The following HDGFL3 variants were observed in gnomAD, a reference collection of about 807,000 sequenced individuals.
The protein encoded by HDGFL3 is hepatoma-derived growth factor-related protein 3.
HDGFL3 carries 6 observed loss-of-function variants against 27.6 expected under a neutral mutation model. That is an observed-to-expected ratio of 0.22 (90% CI 0.12 to 0.43). The LOEUF (loss-of-function observed/expected upper bound fraction) is 0.43, where lower values mean the gene tolerates loss of function less well. HDGFL3 is among the 20% of genes least tolerant of loss of function. The pLI is 1.00. For missense variants in HDGFL3, 207 were observed against 250.1 expected, an observed-to-expected ratio of 0.83 and a Z score of 1.16; for synonymous variants, 88 against 88.9, an observed-to-expected ratio of 0.99 and a Z score of 0.05.
chr15:83,186,677 C>G (rs1168649407), intron 1 of HDGFL3, among the ~76,000 whole-genome samples: 4 of 151,838 alleles, frequency 2.6e-5, no homozygotes, highest in African/African-American at 7.3e-5. Context: ...GAGAGCTAAA[C>G]TATGAGTACG....
exon 4 of HDGFL3, chr15:83,112,864 G>T (rs145491081): frequency 6.2e-7 from 1 of 1,614,072 alleles, no homozygotes; most frequent in East Asian, 2.2e-5. Flanking sequence ...TCGTGTCCTC[G>T]TCAAAAGAAA....
chr15:83,123,499 C>G (rs1274554891), downstream of HDGFL3, among the ~76,000 whole-genome samples: 1 of 152,154 alleles, frequency 6.6e-6, no homozygotes, highest in African/African-American at 2.4e-5. Context: ...GATCATTTAG[C>G]AAGATCTTTT....
At chr15:83,197,162 C>T (rs1334338550) in intron 1 of HDGFL3, among the ~76,000 whole-genome samples, 1 of 152,228 alleles carries the variant, frequency 6.6e-6, no homozygotes, top group East Asian at 1.9e-4. Flanking sequence ...CTTCCCCTGA[C>T]ATCACACATA....
rs1163452027 is a variant in HDGFL3 at position 83,157,417 on chromosome 15, T to C, written c.457A>G (p.Lys153Glu). ...GSKRKKSYTS[K>E]KSSKQSRKSP... ...ACAATGAGAAGTTTCTTAGTAACCT[T>C]TGAAGTATATGACTTTTTCCGTTTT... Residue 153 changes from lysine to glutamate, a missense_variant and splice_region_variant, in exon 4 of 6, where the codon AAG becomes GAG. Physicochemically the swap from Lys to Glu is moderately conservative, Grantham distance 56. Coordinates refer to ENST00000299633, the MANE Select transcript of HDGFL3 (RefSeq NM_016073.4). 6.2e-7 allele frequency: 1 copy of C among 1,612,228 alleles called. No homozygotes were observed. Among genetic ancestry groups the C allele is most frequent in the Non-Finnish European group, 8.5e-7 (1 of 1,178,670 alleles).
chr15:83,173,755 T>C (rs932405918), intron 1 of HDGFL3, among the ~76,000 whole-genome samples: 5 of 152,296 alleles, frequency 3.3e-5, no homozygotes, highest in Middle Eastern at 3.4e-3. Context: ...AGGGATGAAA[T>C]TACAAACATC....
Position 83,166,442 on chromosome 15 carries a change from T to C in HDGFL3, c.85-2367A>G, listed in dbSNP as rs7176036. ...GAATTCGTTACTACTAGACCAGCCTTAGAAGAGATCCTTAAGGAAGTTCTA... is the reference window on the plus strand; with the variant it reads ...GAATTCGTTACTACTAGACCAGCCTCAGAAGAGATCCTTAAGGAAGTTCTA... On this transcript the variant is annotated intron_variant, in intron 1 of 5. Transcript: ENST00000299633. 6.9e-3 allele frequency among the ~76,000 whole-genome samples: 1,046 copies of C among 152,314 alleles called. 13 individuals carry two copies. Among genetic ancestry groups the C allele is most frequent in the African/African-American group, 0.023 (968 of 41,554 alleles).
intron 4 of HDGFL3, among the ~76,000 whole-genome samples, chr15:83,153,270 G>A (rs959332806): frequency 2.8e-4 from 43 of 151,860 alleles, no homozygotes; most frequent in African/African-American, 6.8e-4. Flanking sequence ...TGCCCGCCTC[G>A]GCCTCCCAAA....
exon 4 of HDGFL3, chr15:83,113,099 T>G (rs1436287172): frequency 5.1e-6 from 3 of 591,608 alleles, no homozygotes; most frequent in Non-Finnish European, 9.0e-6. Context: ...CTCTCCCAGG[T>G]GGCATCCCGG....
chr15:83,161,685 C>G (rs1274951678), intron 2 of HDGFL3, among the ~76,000 whole-genome samples: 1 of 152,130 alleles, frequency 6.6e-6, no homozygotes, highest in African/African-American at 2.4e-5. Context: ...TTAGCTACTG[C>G]CGGCAAGAGG....
chr15:83,135,145 G>A lies in HDGFL3; in HGVS notation c.*4125C>T, dbSNP rs760866010. ...TCCAGAGTAGCAAAAATGTACCACA[G>A]GTCTCCAGAATATATCAGGAATTTG... On this transcript the variant is annotated 3_prime_UTR_variant, in exon 6 of 6. Coordinates refer to ENST00000299633, the MANE Select transcript of HDGFL3 (RefSeq NM_016073.4). 4 of 151,628 alleles carry A rather than the reference G, an allele frequency of 2.6e-5. No individual in the cohort carries two copies. Among genetic ancestry groups the A allele is most frequent in the Non-Finnish European group, 4.4e-5 (3 of 67,858 alleles). The allele number at this position is 151,628 out of a possible 1,614,324, so 9.4% of individuals were successfully genotyped here. A position where few individuals can be genotyped will look rare whatever the true frequency, so the allele number is the denominator to read the frequency against.
intron 1 of HDGFL3, among the ~76,000 whole-genome samples, chr15:83,205,831 A>G (rs978261505): frequency 2.6e-5 from 4 of 152,368 alleles, no homozygotes; most frequent in African/African-American, 9.6e-5. Flanking sequence ...GCAATACTGT[A>G]TTACAGCATA....
In HDGFL3 at chr15:83,207,237, C is replaced by T. The variant is rs1002915904; in HGVS notation, c.84+94G>A. On this transcript the variant is annotated intron_variant, in intron 1 of 5. Coordinates refer to ENST00000299633, the MANE Select transcript of HDGFL3 (RefSeq NM_016073.4). The surrounding 1 kb of genome is among the most constrained non-coding windows in gnomAD (Gnocchi z 4.8). ...ACCACAGCCGGCCGCGAGCTGCGGG[C>T]TCGGGGCTGAGGCGATGGGGAAAGG... The T allele has an allele frequency of 1.1e-5, 10 of 883,588 alleles. No individual in the cohort carries two copies. Among genetic ancestry groups the T allele is most frequent in the East Asian group, 3.3e-5 (1 of 29,864 alleles). The allele number at this position is 883,588 out of a possible 1,614,324, so 54.7% of individuals were successfully genotyped here. A position where few individuals can be genotyped will look rare whatever the true frequency, so the allele number is the denominator to read the frequency against.
downstream of HDGFL3, among the ~76,000 whole-genome samples, chr15:83,126,385 A>T (rs1254743735): frequency 6.6e-6 from 1 of 152,226 alleles, no homozygotes; most frequent in Non-Finnish European, 1.5e-5. Context: ...TAGTAAGATG[A>T]ATTTGGTGTA....
chr15:83,115,610 C>T, exon 4 of HDGFL3: 1 of 657,370 alleles, frequency 1.5e-6, no homozygotes, highest in Non-Finnish European at 2.8e-6. Flanking sequence ...TTCTCCACTC[C>T]TGTGATGAGT....
At chr15:83,157,702 C>T (rs1038085161) in intron 3 of HDGFL3, 129 bp from the exon 4 acceptor site, 1 of 1,013,996 alleles carries the variant, frequency 9.9e-7, no homozygotes, top group Non-Finnish European at 1.4e-6. Flanking sequence ...AAACAAAGGG[C>T]TGTCAAACTG....
rs915316800 is a variant in HDGFL3, at chr15:83,142,659, T to TA, written c.607-3385dup. On this transcript the variant is annotated intron_variant, in intron 5 of 5. Transcript: ENST00000299633. ...ATCTGCACATGTACTCCCTGAAGTT[T>TA]AAAAAAAAAGCAAGACGATTAAGAT... Among the ~76,000 whole-genome samples, 119 of 151,070 alleles carry TA rather than the reference T, an allele frequency of 7.9e-4. 1 individual carries two copies. The highest frequency in any genetic ancestry group is 2.7e-3 in the African/African-American group (112 of 41,232).
chr15:83,121,910 T>C, intron 3 of HDGFL3: 3 of 1,591,048 alleles, frequency 1.9e-6, no homozygotes, highest in Non-Finnish European at 2.6e-6. Context: ...TTTTTGTTGT[T>C]GTTGTTACAG....
At chr15:83,196,791 A>T (rs2037575429) in intron 1 of HDGFL3, among the ~76,000 whole-genome samples, 1 of 152,220 alleles carries the variant, frequency 6.6e-6, no homozygotes, top group Non-Finnish European at 1.5e-5. Context: ...AAGGTTAGAG[A>T]GAGATGATTT....
At chr15:83,170,106 G>A (rs2037227942) in intron 1 of HDGFL3, among the ~76,000 whole-genome samples, 2 of 152,164 alleles carry the variant, frequency 1.3e-5, no homozygotes, top group African/African-American at 4.8e-5. Flanking sequence ...CCATGTTCCT[G>A]CACTGGAATA....
Sources: allele counts gnomAD v4.1 joint callset (sites outside exome capture counted in the v4.1 genomes callset), GRCh38; gene constraint gnomAD v4.1.1; non-coding constraint Gnocchi (gnomAD v3.1); transcripts MANE v1.5; gene names NCBI Gene and HGNC (gene_info 2026-07-23, HGNC 2026-07-21).